SGCD: variants seen among roughly 807,000 people sequenced by gnomAD.
The protein encoded by SGCD is delta-sarcoglycan.
SGCD carries 18 observed loss-of-function variants against 36.6 expected under a neutral mutation model. That is an observed-to-expected ratio of 0.49 (90% confidence interval 0.34 to 0.73). The LOEUF is 0.73. Ranked by LOEUF, SGCD falls within the 30% of genes least tolerant of loss-of-function variation. The pLI, the probability that SGCD is intolerant of heterozygous loss-of-function variation, is 0.01. For missense variants in SGCD, 387 were observed against 346.7 expected, an observed-to-expected ratio of 1.12 and a Z score of -0.92; for synonymous variants, 133 against 130.6, an observed-to-expected ratio of 1.02 and a Z score of -0.12.
the SGCD span, among the ~76,000 whole-genome samples, chr5:155,819,122 G>C: frequency 6.6e-6 from 1 of 152,156 alleles, no homozygotes; most frequent in Non-Finnish European, 1.5e-5. Context: ...GCTTCCCCAT[G>C]TGTCAAATGA....
At chr5:155,770,142 C>T in the SGCD span, among the ~76,000 whole-genome samples, 1 of 151,644 alleles carries the variant, frequency 6.6e-6, no homozygotes, top group African/African-American at 2.4e-5. Context: ...CAGACCACCA[C>T]ACCCCTGTCC....
intron 1 of SGCD, among the ~76,000 whole-genome samples, chr5:156,078,523 A>T (rs1760855089): frequency 8.3e-6 from 1 of 121,072 alleles, no homozygotes; most frequent in Admixed American, 8.3e-5. Context: ...AAAAAAAAAT[A>T]TATATATATA....
intron 1 of SGCD, among the ~76,000 whole-genome samples, chr5:155,961,719 T>C (rs1038450376): frequency 6.6e-6 from 1 of 152,138 alleles, no homozygotes; most frequent in Non-Finnish European, 1.5e-5. Flanking sequence ...ATGTGAATTT[T>C]TTTTTTCTTT....
At chr5:156,160,542 G>A (rs183742839) in intron 3 of SGCD, among the ~76,000 whole-genome samples, 9 of 151,722 alleles carry the variant, frequency 5.9e-5, no homozygotes, top group Non-Finnish European at 1.2e-4. Context: ...TCATATAAGA[G>A]GGTATCTCTT....
At chr5:156,304,671 C>T (rs751559844) in intron 3 of SGCD, among the ~76,000 whole-genome samples, 11 of 152,276 alleles carry the variant, frequency 7.2e-5, no homozygotes, top group Non-Finnish European at 1.5e-4. Context: ...AACTGGGTAA[C>T]AGGCAGAGGT....
intron 4 of SGCD, among the ~76,000 whole-genome samples, chr5:156,571,208 G>C (rs1182214117): frequency 6.6e-6 from 1 of 152,122 alleles, no homozygotes; most frequent in Non-Finnish European, 1.5e-5. Context: ...ATCGCACCCA[G>C]CTAATTATTG....
intron 3 of SGCD, among the ~76,000 whole-genome samples, chr5:156,423,020 T>C (rs1773390269): frequency 2.0e-5 from 3 of 150,672 alleles, no homozygotes; most frequent in African/African-American, 4.9e-5. Flanking sequence ...CACAAATGAT[T>C]TGATTTACTC....
intron 3 of SGCD, among the ~76,000 whole-genome samples, chr5:156,345,927 G>A (rs1768914191): frequency 6.6e-6 from 1 of 151,788 alleles, no homozygotes; most frequent in Non-Finnish European, 1.5e-5. Context: ...GCTTTTCTCT[G>A]TCTTCCCTGT....
chr5:155,845,368 T>C, the SGCD span: 1 of 152,080 alleles, frequency 6.6e-6, no homozygotes, highest in Non-Finnish European at 1.5e-5. Flanking sequence ...TGTGCCTTCT[T>C]CTCAGTGGAT....
At position 156,465,514 on chromosome 5, in the gene SGCD, G is replaced by A. The variant is rs375168020; in HGVS notation, c.193-43087G>A. 5.9e-5 allele frequency among the ~76,000 whole-genome samples: 9 copies of A among 152,148 alleles called. No homozygotes were observed. The South Asian group carries it at 8.3e-4, about 14-fold the overall frequency. ...TTTAGACATCTCCGTAAGTACAAACGCACAGCACAGTTTGTTTCCTTTGGT... is the reference window on the plus strand; with the variant it reads ...TTTAGACATCTCCGTAAGTACAAACACACAGCACAGTTTGTTTCCTTTGGT... On this transcript the variant is annotated intron_variant, in intron 3 of 8. Coordinates refer to ENST00000337851, the MANE Select transcript of SGCD (RefSeq NM_000337.6).
At chr5:156,132,273 T>C (rs1042840273) in intron 3 of SGCD, among the ~76,000 whole-genome samples, 2 of 151,894 alleles carry the variant, frequency 1.3e-5, no homozygotes, top group African/African-American at 2.4e-5. Context: ...GTGATGTGTC[T>C]GTAGATAAGT....
At chr5:156,500,329 C>T (rs767908258) in intron 3 of SGCD, among the ~76,000 whole-genome samples, 2 of 152,176 alleles carry the variant, frequency 1.3e-5, no homozygotes, top group Non-Finnish European at 2.9e-5. Flanking sequence ...ACTGAGACTA[C>T]AGCAGTGAAT....
chr5:156,018,348 A>G (rs561123990), intron 1 of SGCD, among the ~76,000 whole-genome samples: 1 of 152,244 alleles, frequency 6.6e-6, no homozygotes, highest in Non-Finnish European at 1.5e-5. Context: ...TAACTACACT[A>G]TCCCATATTA....
the SGCD span, among the ~76,000 whole-genome samples, chr5:155,800,805 C>G: frequency 6.6e-6 from 1 of 152,046 alleles, no homozygotes; most frequent in Non-Finnish European, 1.5e-5. Context: ...TTTACGTTAT[C>G]TTGAGTCTGT....
intron 3 of SGCD, among the ~76,000 whole-genome samples, chr5:156,307,045 T>C (rs1199399278): frequency 6.7e-6 from 1 of 149,030 alleles, no homozygotes; most frequent in Admixed American, 6.7e-5. Flanking sequence ...AGTTTTCTTT[T>C]TTTTTTTTTT....
chr5:155,996,875 A>G (rs143113032), intron 1 of SGCD, among the ~76,000 whole-genome samples: 4 of 91,930 alleles, frequency 4.4e-5, no homozygotes, highest in South Asian at 4.3e-4. Flanking sequence ...ATAGATAGAT[A>G]GATAGATAGA....
At chr5:156,258,880 T>C (rs2127664220) in intron 3 of SGCD, among the ~76,000 whole-genome samples, 1 of 152,140 alleles carries the variant, frequency 6.6e-6, no homozygotes, top group Admixed American at 6.5e-5. Context: ...AAACAAAAGC[T>C]CTTTGGGCTC....
the SGCD span, among the ~76,000 whole-genome samples, chr5:155,745,741 C>G: frequency 6.6e-6 from 1 of 152,092 alleles, no homozygotes; most frequent in Non-Finnish European, 1.5e-5. Context: ...AAAACATGAA[C>G]AGTTGTACAA....
chr5:156,002,939 G>A (rs990780345), intron 1 of SGCD, among the ~76,000 whole-genome samples: 6 of 152,180 alleles, frequency 3.9e-5, no homozygotes, highest in Non-Finnish European at 4.4e-5. Flanking sequence ...CTCCTTTTAG[G>A]TTTTTAGTGT....
Sources: gnomAD v4.1 joint callset for allele counts (sites outside exome capture counted in the v4.1 genomes callset) on GRCh38, gnomAD v4.1.1 for gene constraint, MANE v1.5 for transcripts, NCBI Gene and HGNC (gene_info 2026-07-23, HGNC 2026-07-21) for gene names.